CEP68: variants seen among roughly 807,000 people sequenced by gnomAD.
CEP68 encodes the protein centrosomal protein of 68 kDa.
Under a neutral mutation model 55.3 loss-of-function variants are expected in CEP68, and 26 were observed. The observed-to-expected ratio is 0.47, with a 90% CI of 0.34 to 0.65. The LOEUF (loss-of-function observed/expected upper bound fraction) is 0.65. Ranked by LOEUF, CEP68 falls within the 30% of genes least tolerant of loss-of-function variation. CEP68 has a pLI of 0.01. For synonymous variants in CEP68, 402 were observed against 383.2 expected, an observed-to-expected ratio of 1.05 and a Z score of -0.57; for missense variants, 957 against 946.7, an observed-to-expected ratio of 1.01 and a Z score of -0.14.
In CEP68 at chr2:65,071,900, C is replaced by T. The variant is rs1482141715; in HGVS notation, c.804C>T (p.Ser268=). The T allele has an allele frequency of 3.7e-6, 6 of 1,612,812 alleles. No individual in the cohort carries two copies. Among genetic ancestry groups the T allele is most frequent in the Non-Finnish European group, 5.1e-6 (6 of 1,179,680 alleles). The change falls in exon 3 of 7, where the codon TCC becomes TCT. Residue 268 remains serine (S), a synonymous_variant. Coordinates refer to ENST00000377990, the MANE Select transcript of CEP68 (RefSeq NM_015147.3). ...CTGGGCTAGGCAGGAGACGCCTCTCCTTCCAGGCTGAGTACTGGGCCTGTG... is the reference window on the plus strand; with the variant it reads ...CTGGGCTAGGCAGGAGACGCCTCTCTTTCCAGGCTGAGTACTGGGCCTGTG... ...DASGLGRRRL[S]FQAEYWACVL... is the part of the protein sequence containing the mutation.
At position 65,071,806 on chromosome 2, in the gene CEP68, C is replaced by A. The variant is rs1295625818; in HGVS notation, c.710C>A (p.Ser237Tyr). 2 of 1,608,116 alleles carry A rather than the reference C, an allele frequency of 1.2e-6. No individual in the cohort carries two copies. Among genetic ancestry groups the A allele is most frequent in the South Asian group, 1.1e-5 (1 of 90,566 alleles). Residue 237 changes from serine to tyrosine, a missense_variant, in exon 3 of 7, where the codon TCC becomes TAC. By Grantham distance (144) the Ser-to-Tyr change is moderately radical (BLOSUM62 -2). Transcript: ENST00000377990. ...SLEPVVPQEP[S>Y]SVVGLGPRPQ... ...GAGCCGGTCGTCCCCCAGGAACCTT[C>A]CTCTGTGGTGGGGCTAGGACCTCGG... is the stretch of plus-strand genomic sequence containing the variant.
intron 5 of CEP68, among the ~76,000 whole-genome samples, chr2:65,081,447 T>G (rs1541576): frequency 3.3e-5 from 5 of 151,538 alleles, no homozygotes; most frequent in African/African-American, 1.2e-4. Flanking sequence ...ATAAGCTTCC[T>G]CTTTCCCTTC....
rs151313938 is a variant in CEP68 at position 65,074,993 on chromosome 2, G to A, written c.2007+589G>A. ...ATCACATTTGTCTAGTGGCTACCAC[G>A]TAGAACAGTGCAGATGTAGAACACT... On this transcript the variant is annotated intron_variant, in intron 4 of 6. Coordinates refer to ENST00000377990, the MANE Select transcript of CEP68 (RefSeq NM_015147.3). The A allele has an allele frequency of 7.8e-3, 1,419 of 182,756 alleles. 10 individuals carry two copies. Among genetic ancestry groups the A allele is most frequent in the Middle Eastern group, 0.038 (14 of 368 alleles). The allele number at this position is 182,756 out of a possible 1,614,324, so 11.3% of individuals were successfully genotyped here.
At chr2:65,064,992 T>C (rs947174121) in intron 1 of CEP68, among the ~76,000 whole-genome samples, 2 of 152,224 alleles carry the variant, frequency 1.3e-5, no homozygotes, top group African/African-American at 4.8e-5. Context: ...TCTTCTGCTT[T>C]GTGGCTTAAC....
chr2:65,081,982 G>C (rs1668847502), intron 5 of CEP68, among the ~76,000 whole-genome samples: 1 of 152,230 alleles, frequency 6.6e-6, no homozygotes, highest in African/African-American at 2.4e-5. Flanking sequence ...TTACAGGCGT[G>C]AGCCACTGCG....
At position 65,083,762 on chromosome 2, in the gene CEP68, A is replaced by G. The variant is rs1466908635; in HGVS notation, c.*128A>G. The stretch of plus-strand genomic sequence containing the variant: ...TCAAGGGGGAAACCTTCAATATACT[A>G]GCTTTAAAATGCCTTTCTCCTCCCT... On this transcript the variant is annotated 3_prime_UTR_variant, in exon 7 of 7. Transcript: ENST00000377990. 1 of 152,238 alleles carries G rather than the reference A, an allele frequency of 6.6e-6. No individual in the cohort carries two copies. Among genetic ancestry groups the G allele is most frequent in the Non-Finnish European group, 1.5e-5 (1 of 68,054 alleles). The allele number at this position is 152,238 out of a possible 1,614,324, so 9.4% of individuals were successfully genotyped here.
chr2:65,066,483 A>G (rs935333066), intron 1 of CEP68, among the ~76,000 whole-genome samples: 3 of 149,116 alleles, frequency 2.0e-5, no homozygotes, highest in Non-Finnish European at 4.5e-5. Flanking sequence ...TAATCCCAGC[A>G]CTTTGGGAGG....
At chr2:65,070,483 G>A (rs1676408326) in intron 2 of CEP68, among the ~76,000 whole-genome samples, 1 of 151,854 alleles carries the variant, frequency 6.6e-6, no homozygotes, top group African/African-American at 2.4e-5. Flanking sequence ...GGCCTTTCCT[G>A]GGAATGGCTT....
intron 1 of CEP68, among the ~76,000 whole-genome samples, 169 bp downstream of exon 1, chr2:65,056,697 G>A (rs1283599872): frequency 7.2e-5 from 11 of 152,042 alleles, no homozygotes; most frequent in Non-Finnish European, 2.9e-5. Context: ...GCCGGCAAGG[G>A]CACAAAGGCT....
rs1419896116 is a variant in CEP68, at chr2:65,071,858, C to T, written c.762C>T (p.Phe254=). The part of the protein sequence containing the change: ...PRPQWSPQPV[F]SGGDASGLGR... ...CCCAGTGGTCACCACAGCCTGTGTTCTCTGGGGGTGATGCTTCTGGGCTAG... is the reference window on the plus strand; with the variant it reads ...CCCAGTGGTCACCACAGCCTGTGTTTTCTGGGGGTGATGCTTCTGGGCTAG... The change falls in exon 3 of 7, where the codon TTC becomes TTT. Residue 254 remains phenylalanine (F), a synonymous_variant. Transcript: ENST00000377990. 8.1e-6 allele frequency: 13 copies of T among 1,607,514 alleles called. No homozygotes were observed. The East Asian group carries it at 1.8e-4, about 22-fold the overall frequency.
At chr2:65,076,674 A>G (rs1278352838) in intron 4 of CEP68, among the ~76,000 whole-genome samples, 5 of 152,162 alleles carry the variant, frequency 3.3e-5, no homozygotes, top group African/African-American at 1.2e-4. Context: ...AAACCACACT[A>G]CAGTACTAGA....
intron 1 of CEP68, among the ~76,000 whole-genome samples, chr2:65,065,965 A>AAAC (rs1553383988): frequency 1.3e-5 from 2 of 151,368 alleles, no homozygotes; most frequent in Non-Finnish European, 2.9e-5. Context: ...TAAAAAAAAA[A>AAAC]AAAAAAACAC....
At chr2:65,082,195 G>T (rs1264339861) in intron 5 of CEP68, among the ~76,000 whole-genome samples, 3 of 152,220 alleles carry the variant, frequency 2.0e-5, no homozygotes, top group Non-Finnish European at 4.4e-5. Flanking sequence ...AGAGGATCTG[G>T]ATGTGCCCTT....
chr2:65,082,480 G>T, intron 5 of CEP68, 56 bp from the exon 6 acceptor site: 1 of 1,443,554 alleles, frequency 6.9e-7, no homozygotes, highest in South Asian at 1.5e-5. Flanking sequence ...ATGCTTACTG[G>T]ACAACACTTG....
chr2:65,069,811 A>G lies in CEP68; in HGVS notation c.357+10A>G. On this transcript the variant is annotated intron_variant, in intron 2 of 6. Coordinates refer to ENST00000377990, the MANE Select transcript of CEP68 (RefSeq NM_015147.3). ...CTCCGGGGAAAGCCAGGTAGGTACT[A>G]AGGCAAGACTGTAGATGGACCCATT... The G allele has an allele frequency of 6.2e-7, 1 of 1,608,668 alleles. No homozygotes were observed. The highest frequency in any genetic ancestry group is 1.1e-5 in the South Asian group (1 of 90,966).
chr2:65,072,376 T>G lies in CEP68; in HGVS notation c.1280T>G (p.Ile427Arg). ...ALRGAKDRLTIGKHLDMGSPQ... is the reference protein window; with the variant it reads ...ALRGAKDRLTRGKHLDMGSPQ... ...AGGGGTGCGAAGGACCGGCTGACTA[T>G]AGGCAAGCACCTTGATATGGGCTCT... Residue 427 changes from isoleucine (I) to arginine (R), a missense_variant, in exon 3 of 7, where the codon ATA becomes AGA. Ile to Arg is a moderately conservative substitution (Grantham distance 97). Coordinates refer to ENST00000377990, the MANE Select transcript of CEP68 (RefSeq NM_015147.3). 6.2e-7 allele frequency: 1 copy of G among 1,613,886 alleles called. No homozygotes were observed. Among genetic ancestry groups the G allele is most frequent in the African/African-American group, 1.3e-5 (1 of 75,032 alleles).
intron 5 of CEP68, among the ~76,000 whole-genome samples, 184 bp from the exon 6 acceptor site, chr2:65,082,352 G>T (rs1403837989): frequency 6.6e-6 from 1 of 152,146 alleles, no homozygotes; most frequent in African/African-American, 2.4e-5. Flanking sequence ...AACAACATAG[G>T]TTCTCCAGTG....
chr2:65,084,548 CCATT>C lies in CEP68; in HGVS notation c.*917_*920del, dbSNP rs1482187500. The C allele has an allele frequency of 6.6e-6, 1 of 151,386 alleles. No individual in the cohort carries two copies. The highest frequency in any genetic ancestry group is 1.5e-5 in the Non-Finnish European group (1 of 67,868). The allele number at this position is 151,386 out of a possible 1,614,324, so 9.4% of individuals were successfully genotyped here. Reference sequence around the variant, plus strand: ...AAAAAAAAAAAAAACTATGGATCAACCATTCAAAGCATCAATTCTATAGCTTTTT... The same window carrying C: ...AAAAAAAAAAAAAACTATGGATCAACCAAAGCATCAATTCTATAGCTTTTT... On this transcript the variant is annotated 3_prime_UTR_variant, in exon 7 of 7. Transcript: ENST00000377990.
chr2:65,082,607 G>A lies in CEP68; in HGVS notation c.2176G>A (p.Asp726Asn), dbSNP rs1171234696. 1 of 1,611,402 alleles carries A rather than the reference G, an allele frequency of 6.2e-7. No individual in the cohort carries two copies. The highest frequency in any genetic ancestry group is 8.5e-7 in the Non-Finnish European group (1 of 1,178,990). Residue 726 changes from aspartate to asparagine, a missense_variant, in exon 6 of 7, where the codon GAC becomes AAC. Asp to Asn is a conservative substitution (Grantham distance 23, BLOSUM62 1). Transcript: ENST00000377990. ...GGAGAGCCACGCAGATCGCCTGTATGACTCTATCTTGGCCTCTCTGGACAT... is the reference window on the plus strand; with the variant it reads ...GGAGAGCCACGCAGATCGCCTGTATAACTCTATCTTGGCCTCTCTGGACAT... The part of the protein sequence containing the change: ...ELESHADRLY[D>N]SILASLDMLA...
Sources: allele counts gnomAD v4.1 joint callset (sites outside exome capture counted in the v4.1 genomes callset), GRCh38; gene constraint gnomAD v4.1.1; transcripts MANE v1.5; gene names NCBI Gene and HGNC (gene_info 2026-07-23, HGNC 2026-07-21).